The following TENM4 variants were observed in gnomAD, a reference collection of about 807,000 sequenced individuals.
The protein encoded by TENM4 is teneurin transmembrane protein 4.
TENM4 carries 82 observed loss-of-function variants against 243.3 expected under a neutral mutation model. The ratio of observed to expected loss-of-function variants is 0.34; its 90% CI spans 0.28 to 0.40. The LOEUF is 0.40. TENM4 is among the 10% of genes least tolerant of loss of function. The pLI is 1.00. For missense variants in TENM4, 3,138 were observed against 3,673.3 expected, an observed-to-expected ratio of 0.85 and a Z score of 3.77; for synonymous variants, 1,412 against 1,456.3, an observed-to-expected ratio of 0.97 and a Z score of 0.69.
intron 4 of TENM4, among the ~76,000 whole-genome samples, chr11:79,124,645 ATG>A (rs35642884): frequency 0.44 from 58,279 of 133,176 alleles, 13,467 homozygotes; most frequent in Non-Finnish European, 0.55. Context: ...ATATATATAT[ATG>A]TGTGTGTGTG....
intron 6 of TENM4, among the ~76,000 whole-genome samples, chr11:79,039,504 G>A (rs1310954766): frequency 6.6e-6 from 1 of 152,254 alleles, no homozygotes; most frequent in Admixed American, 6.5e-5. Flanking sequence ...TGTGGATGTT[G>A]TCATAGGACT....
intron 28 of TENM4, among the ~76,000 whole-genome samples, chr11:78,699,128 A>G (rs149043624): frequency 1.4e-4 from 21 of 150,666 alleles, no homozygotes; most frequent in Admixed American, 3.3e-4. Context: ...TATTGCTTGC[A>G]TTAACAACAA....
chr11:78,970,463 C>T (rs1857518130), intron 6 of TENM4, among the ~76,000 whole-genome samples: 1 of 152,188 alleles, frequency 6.6e-6, no homozygotes, highest in Non-Finnish European at 1.5e-5. Context: ...ATAGTTTCCC[C>T]TTACTGTAAA....
intron 9 of TENM4, among the ~76,000 whole-genome samples, chr11:78,880,888 T>C (rs1855414609): frequency 6.6e-6 from 1 of 152,112 alleles, no homozygotes; most frequent in African/African-American, 2.4e-5. Flanking sequence ...AGATGAGTGA[T>C]TGCCAGAGGC....
intron 6 of TENM4, among the ~76,000 whole-genome samples, chr11:79,012,260 G>A (rs1858665815): frequency 6.6e-6 from 1 of 152,204 alleles, no homozygotes; most frequent in South Asian, 2.1e-4. Flanking sequence ...TTCCCCGACG[G>A]CCTCATGTCT....
chr11:79,323,674 T>C lies in TENM4; in HGVS notation c.-320-26131A>G, dbSNP rs542796892. Among the ~76,000 whole-genome samples the C allele has an allele frequency of 2.0e-5, 3 of 152,330 alleles. No homozygotes were observed. In the East Asian group the frequency reaches 5.8e-4, roughly 29 times the overall value. On this transcript the variant is annotated intron_variant, in intron 1 of 33. Transcript: ENST00000278550. ...TGACTTTAAGTAAAGCAGATTATCTTCCATAATGTGGGTAGATTTCATCCA... is the reference window on the plus strand; with the variant it reads ...TGACTTTAAGTAAAGCAGATTATCTCCCATAATGTGGGTAGATTTCATCCA...
chr11:79,436,861 A>G (rs1355613577), intron 1 of TENM4, among the ~76,000 whole-genome samples: 1 of 152,184 alleles, frequency 6.6e-6, no homozygotes, highest in African/African-American at 2.4e-5. Flanking sequence ...CCCCCACCAC[A>G]GAAGATGGCA....
In TENM4 at chr11:78,863,002, G is replaced by A. The variant is rs1479152999; in HGVS notation, c.1215C>T (p.Gly405=). 6.6e-6 allele frequency: 10 copies of A among 1,506,246 alleles called. No individual in the cohort carries two copies. Among genetic ancestry groups the A allele is most frequent in the Non-Finnish European group, 9.0e-6 (10 of 1,113,208 alleles). The allele number at this position is 1,506,246 out of a possible 1,614,324, so 93.3% of individuals were successfully genotyped here. ...DVSLYPSGGT[G]LETPDRKGKG... ...TGCCTTTCCTGTCAGGGGTCTCTAAGCCAGTGCCCCCTGAGGGGTATAGGG... is the reference window on the plus strand; with the variant it reads ...TGCCTTTCCTGTCAGGGGTCTCTAAACCAGTGCCCCCTGAGGGGTATAGGG... The change falls in exon 10 of 34, where the codon GGC becomes GGT. Residue 405 remains glycine, a synonymous_variant. Coordinates refer to ENST00000278550, the MANE Select transcript of TENM4 (RefSeq NM_001098816.3).
At chr11:79,198,005 C>T (rs1206935092) in intron 3 of TENM4, among the ~76,000 whole-genome samples, 3 of 152,296 alleles carry the variant, frequency 2.0e-5, no homozygotes, top group African/African-American at 7.2e-5. Context: ...CATGTGTGAC[C>T]TTAACCTGGG....
intron 6 of TENM4, among the ~76,000 whole-genome samples, chr11:79,026,830 T>A (rs995168528): frequency 6.6e-6 from 1 of 152,158 alleles, no homozygotes; most frequent in South Asian, 2.1e-4. Context: ...AAAGCCAGCT[T>A]CTTGGACTCT....
At chr11:79,266,127 C>T (rs1228902201) in intron 2 of TENM4, among the ~76,000 whole-genome samples, 1 of 152,204 alleles carries the variant, frequency 6.6e-6, no homozygotes, top group African/African-American at 2.4e-5. Flanking sequence ...AGCTGGCCTA[C>T]GTCATAAGAC....
At chr11:79,107,328 T>C (rs1861397054) in intron 4 of TENM4, among the ~76,000 whole-genome samples, 1 of 151,968 alleles carries the variant, frequency 6.6e-6, no homozygotes, top group Non-Finnish European at 1.5e-5. Flanking sequence ...TAGGAAAAAA[T>C]ACAAACAGAC....
chr11:79,154,381 C>T (rs1296759854), intron 3 of TENM4, among the ~76,000 whole-genome samples: 1 of 152,096 alleles, frequency 6.6e-6, no homozygotes, highest in East Asian at 1.9e-4. Context: ...ATGAAGAGAG[C>T]ACCAAACCAT....
chr11:78,884,619 T>C (rs1003802724), intron 9 of TENM4, among the ~76,000 whole-genome samples: 1 of 152,190 alleles, frequency 6.6e-6, no homozygotes, highest in Non-Finnish European at 1.5e-5. Context: ...AAAATCATAC[T>C]CATCCCACAG....
intron 33 of TENM4, among the ~76,000 whole-genome samples, chr11:78,660,807 G>T (rs79777435): frequency 2.0e-5 from 3 of 152,146 alleles, no homozygotes; most frequent in African/African-American, 7.2e-5. Context: ...TGAAGTGAGT[G>T]GGTGGGATGA....
rs1421443074 is a variant in TENM4, at chr11:79,143,253, A to G, written c.-66+5457T>C. 2.0e-5 allele frequency among the ~76,000 whole-genome samples: 3 copies of G among 152,172 alleles called. No homozygotes were observed. In the East Asian group the frequency reaches 5.8e-4, roughly 29 times the overall value. Reference sequence around the variant, plus strand: ...TATGTTTATTGTGGCACTATTCACAATAGCAAAGACTTGGAACCAACCCAA... The same window carrying G: ...TATGTTTATTGTGGCACTATTCACAGTAGCAAAGACTTGGAACCAACCCAA... On this transcript the variant is annotated intron_variant, in intron 4 of 33. Transcript: ENST00000278550.
chr11:79,131,444 A>G (rs1197363219), intron 4 of TENM4, among the ~76,000 whole-genome samples: 2 of 152,200 alleles, frequency 1.3e-5, no homozygotes, highest in African/African-American at 4.8e-5. Context: ...TCATATATGA[A>G]GGAAAGGTAC....
chr11:78,804,595 G>A (rs1170873469), intron 15 of TENM4, among the ~76,000 whole-genome samples: 1 of 152,124 alleles, frequency 6.6e-6, no homozygotes, highest in Non-Finnish European at 1.5e-5. Context: ...ACAGAAGGGT[G>A]CCAACATAAT....
chr11:79,212,893 C>A (rs75028127), intron 3 of TENM4, among the ~76,000 whole-genome samples: 6 of 152,146 alleles, frequency 3.9e-5, no homozygotes, highest in Non-Finnish European at 8.8e-5. Flanking sequence ...CCGAGGGAGA[C>A]GGGAACTCAC....
Sources: allele counts gnomAD v4.1 joint callset (sites outside exome capture counted in the v4.1 genomes callset), GRCh38; gene constraint gnomAD v4.1.1; transcripts MANE v1.5; gene names NCBI Gene and HGNC (gene_info 2026-07-23, HGNC 2026-07-21).